CCDC73: variants seen among roughly 807,000 people sequenced by gnomAD.
CCDC73 encodes coiled-coil domain containing 73, also known as coiled-coil domain-containing protein 73.
Under a neutral mutation model 116.5 loss-of-function variants are expected in CCDC73, and 95 were observed. The ratio of observed to expected loss-of-function variants is 0.82; its 90% CI spans 0.69 to 0.97. The LOEUF is 0.97. Among genes scored for constraint, CCDC73 ranks in the 50% least tolerant of loss-of-function variants. The pLI is 0.00. For synonymous variants in CCDC73, 398 were observed against 401.3 expected (o/e 0.99, Z 0.10); for missense variants, 1,066 against 1,206.8 (o/e 0.88, Z 1.73).
rs952598480 is a variant in CCDC73 at position 32,638,930 on chromosome 11, C to G, written c.1050+3042G>C. Among the ~76,000 whole-genome samples the G allele has an allele frequency of 7.8e-4, 118 of 151,884 alleles. 5 individuals carry two copies. The highest frequency in any genetic ancestry group is 2.8e-3 in the African/African-American group (116 of 41,268). On this transcript the variant is annotated intron_variant, in intron 13 of 17. Transcript: ENST00000335185. ...TGATAGGCCAAGGCAGGTGGGTTGCCTGAGCTCAGGAGTTCGAGACCAGCC... is the reference window on the plus strand; with the variant it reads ...TGATAGGCCAAGGCAGGTGGGTTGCGTGAGCTCAGGAGTTCGAGACCAGCC...
chr11:32,722,834 C>T (rs929759142), intron 2 of CCDC73, among the ~76,000 whole-genome samples: 2 of 152,022 alleles, frequency 1.3e-5, no homozygotes, highest in African/African-American at 4.8e-5. Context: ...TTAATTGAAT[C>T]CTGGACATAA....
In CCDC73 at chr11:32,611,234, A is replaced by C; in HGVS notation, c.2928T>G (p.Thr976=). 1 of 1,613,540 alleles carries C rather than the reference A, an allele frequency of 6.2e-7. No individual in the cohort carries two copies. The highest frequency in any genetic ancestry group is 8.5e-7 in the Non-Finnish European group (1 of 1,179,642). The part of the protein sequence containing the change: ...DTTSINRVAD[T]LNNWSIHPDP... Reference sequence around the variant, plus strand: ...CTGGATGGATACTCCAGTTATTCAAAGTGTCAGCAACTCTGTTAATGCTGG... The same window carrying C: ...CTGGATGGATACTCCAGTTATTCAACGTGTCAGCAACTCTGTTAATGCTGG... The change falls in exon 17 of 18, where the codon ACT becomes ACG. Residue 976 remains threonine (T), a synonymous_variant. Transcript: ENST00000335185.
At chr11:32,615,829 A>G in intron 15 of CCDC73, 111 bp downstream of exon 15, 5 of 1,033,930 alleles carry the variant, frequency 4.8e-6, no homozygotes, top group Non-Finnish European at 6.8e-6. Context: ...AGAATCCAAA[A>G]AGACTAGGAA....
chr11:32,619,970 A>G (rs887579102), intron 14 of CCDC73, among the ~76,000 whole-genome samples: 2 of 152,082 alleles, frequency 1.3e-5, no homozygotes, highest in African/African-American at 4.8e-5. Context: ...AAAGGATAAA[A>G]TGCCGATGAA....
chr11:32,692,572 A>G (rs931068590), intron 6 of CCDC73, among the ~76,000 whole-genome samples: 12 of 152,198 alleles, frequency 7.9e-5, no homozygotes, highest in African/African-American at 2.9e-4. Context: ...GGAGCTGAAC[A>G]TCTTAGAGAT....
At chr11:32,830,219 G>C in the CCDC73 span, 1 of 1,077,428 alleles carries the variant, frequency 9.3e-7, no homozygotes, top group Non-Finnish European at 1.1e-6. Flanking sequence ...GGGTTACCTG[G>C]AAGGGGCCAC....
At chr11:32,779,485 T>C (rs1850564071) in intron 1 of CCDC73, among the ~76,000 whole-genome samples, 1 of 152,248 alleles carries the variant, frequency 6.6e-6, no homozygotes, top group South Asian at 2.1e-4. Context: ...TGTTTGCCTA[T>C]GCTACCTCAA....
chr11:32,744,478 G>A (rs1411004633), intron 2 of CCDC73, among the ~76,000 whole-genome samples: 1 of 152,206 alleles, frequency 6.6e-6, no homozygotes, highest in African/African-American at 2.4e-5. Flanking sequence ...GTTTCAGAAG[G>A]AATGGTGTCA....
chr11:32,669,058 G>C (rs1856012772), intron 9 of CCDC73, among the ~76,000 whole-genome samples: 1 of 152,090 alleles, frequency 6.6e-6, no homozygotes, highest in South Asian at 2.1e-4. Flanking sequence ...AATTTCCACT[G>C]TGGAAAAATA....
intron 2 of CCDC73, among the ~76,000 whole-genome samples, chr11:32,738,552 A>T (rs1850156170): frequency 6.6e-6 from 1 of 151,632 alleles, no homozygotes; most frequent in African/African-American, 2.4e-5. Context: ...GGATTGTTAG[A>T]TTTTTTCCTA....
At chr11:32,704,666 G>A (rs1181353306) in intron 3 of CCDC73, among the ~76,000 whole-genome samples, 1 of 152,212 alleles carries the variant, frequency 6.6e-6, no homozygotes, top group East Asian at 1.9e-4. Context: ...GAAGCCTGGG[G>A]ACCAGGGCTG....
At chr11:32,768,107 T>G (rs1361050228) in intron 1 of CCDC73, among the ~76,000 whole-genome samples, 2 of 152,042 alleles carry the variant, frequency 1.3e-5, no homozygotes, top group African/African-American at 2.4e-5. Flanking sequence ...ATTAAGAAAA[T>G]GTGGCACATA....
chr11:32,718,517 C>A (rs969072274), intron 2 of CCDC73, among the ~76,000 whole-genome samples: 2 of 152,178 alleles, frequency 1.3e-5, no homozygotes, highest in African/African-American at 4.8e-5. Flanking sequence ...TACTTTCTAG[C>A]AGGCTTTTCT....
chr11:32,815,435 A>G, the CCDC73 span, among the ~76,000 whole-genome samples: 1 of 152,016 alleles, frequency 6.6e-6, no homozygotes, highest in Non-Finnish European at 1.5e-5. Flanking sequence ...TCTAGCCTCA[A>G]GTGATCCTCC....
rs538893386 is a variant in CCDC73 at position 32,627,266 on chromosome 11, T to G, written c.1185+8430A>C. On this transcript the variant is annotated intron_variant, in intron 14 of 17. Transcript: ENST00000335185. Reference sequence around the variant, plus strand: ...AGAGAAATGCAAATCAAAACCACAATGAGATACCATCTCACACCAGTTAGA... The same window carrying G: ...AGAGAAATGCAAATCAAAACCACAAGGAGATACCATCTCACACCAGTTAGA... 6.8e-3 allele frequency among the ~76,000 whole-genome samples: 1,038 copies of G among 152,232 alleles called. 4 individuals carry two copies. The highest frequency in any genetic ancestry group is 0.012 in the Non-Finnish European group (813 of 68,020).
At chr11:32,730,669 A>G (rs1850067800) in intron 2 of CCDC73, among the ~76,000 whole-genome samples, 1 of 152,078 alleles carries the variant, frequency 6.6e-6, no homozygotes, top group Non-Finnish European at 1.5e-5. Context: ...GGCTTCACAG[A>G]GCTTCTTGAA....
intron 1 of CCDC73, among the ~76,000 whole-genome samples, chr11:32,766,630 T>C (rs1850444895): frequency 6.6e-6 from 1 of 152,228 alleles, no homozygotes; most frequent in African/African-American, 2.4e-5. Flanking sequence ...AACTCAGGAA[T>C]ACAAAATCAA....
chr11:32,671,679 C>T (rs1305410640), intron 9 of CCDC73, among the ~76,000 whole-genome samples: 1 of 152,172 alleles, frequency 6.6e-6, no homozygotes, highest in Non-Finnish European at 1.5e-5. Flanking sequence ...AAAACTGGCT[C>T]TGAATATGTA....
In CCDC73 at chr11:32,613,998, T is replaced by C. The variant is rs1194912255; in HGVS notation, c.2320A>G (p.Ile774Val). 1 of 1,611,346 alleles carries C rather than the reference T, an allele frequency of 6.2e-7. No individual in the cohort carries two copies. Among genetic ancestry groups the C allele is most frequent in the Non-Finnish European group, 8.5e-7 (1 of 1,179,790 alleles). ...TCATTGTTAAGATGAAGATGGGAAA[T>C]GTTCACATTAGTGTTTTCTAAGTAT... is the stretch of plus-strand genomic sequence containing the variant. The part of the protein sequence containing the change: ...LGYLENTNVN[I>V]SHLHLNNENS... Residue 774 changes from isoleucine to valine, a missense_variant, in exon 16 of 18, where the codon ATT (isoleucine) becomes GTT (valine). Ile to Val is a conservative substitution (Grantham distance 29). Coordinates refer to ENST00000335185, the MANE Select transcript of CCDC73 (RefSeq NM_001008391.4).
Sources: allele counts gnomAD v4.1 joint callset (sites outside exome capture counted in the v4.1 genomes callset), GRCh38; gene constraint gnomAD v4.1.1; transcripts MANE v1.5; gene names NCBI Gene and HGNC (gene_info 2026-07-23, HGNC 2026-07-21).